The following TUT7 variants were observed in gnomAD, a reference collection of about 807,000 sequenced individuals.
TUT7 encodes terminal uridylyltransferase 7.
TUT7 carries 33 observed loss-of-function variants against 165.9 expected under a neutral mutation model. The ratio of observed to expected loss-of-function variants is 0.20; its 90% confidence interval spans 0.15 to 0.27. The LOEUF is 0.27. TUT7 is among the 10% of genes least tolerant of loss of function. The pLI is 1.00. For missense variants in TUT7, 1,338 were observed against 1,762.3 expected (o/e 0.76, Z 4.31); for synonymous variants, 552 against 608.1 (o/e 0.91, Z 1.36).
At chr9:86,295,923 A>G (rs1049106818) in intron 26 of TUT7, among the ~76,000 whole-genome samples, 8 of 152,174 alleles carry the variant, frequency 5.3e-5, no homozygotes, top group African/African-American at 1.9e-4. Context: ...ATAGAAAAAA[A>G]CATTAGTTTT....
chr9:86,347,760 T>C (rs1206795174), intron 2 of TUT7, among the ~76,000 whole-genome samples: 2 of 152,082 alleles, frequency 1.3e-5, no homozygotes, highest in African/African-American at 4.8e-5. Flanking sequence ...AAAAGGTAAG[T>C]TGTCATTTCA....
At position 86,323,319 on chromosome 9, in the gene TUT7, C is replaced by A. The variant is rs751992086; in HGVS notation, c.2431G>T (p.Asp811Tyr). 5.6e-6 allele frequency: 9 copies of A among 1,614,150 alleles called. No homozygotes were observed. The East Asian group carries it at 2.0e-4, about 36-fold the overall frequency. Residue 811 changes from aspartate to tyrosine, a missense_variant, in exon 13 of 27, where the codon GAT (aspartate) becomes TAT (tyrosine). This residue lies in a region of TUT7 where 425 missense variants were observed against 474.9 expected (regional missense o/e 0.89). Transcript: ENST00000375963. ...CCTTCTGTACTTTCTCCATCAAGAT[C>A]AGCCTTGTTATCTAAAGTGGCAAGT... ...EGLATLDNKA[D>Y]LDGESTEGTE...
chr9:86,333,757 C>T (rs1387586844), intron 10 of TUT7, among the ~76,000 whole-genome samples: 1 of 152,148 alleles, frequency 6.6e-6, no homozygotes, highest in Non-Finnish European at 1.5e-5. Flanking sequence ...TGCTTTTTGC[C>T]TTTCAGCATG....
At position 86,325,503 on chromosome 9, in the gene TUT7, T is replaced by C. The variant is rs1287499801; in HGVS notation, c.1620A>G (p.Ile540Met). ...TPIKRGQVSL[I>M]LDVKHQPSVP... The stretch of plus-strand genomic sequence containing the variant: ...CTGAAGGCTGGTGTTTCACATCCAA[T>C]ATTAATGACACCTATTAATAGCAAA... Residue 540 changes from isoleucine (I) to methionine (M), a missense_variant, in exon 12 of 27, where the codon ATA (isoleucine) becomes ATG (methionine). By Grantham distance (10) the Ile-to-Met change is conservative. Transcript: ENST00000375963. 7 of 1,613,330 alleles carry C rather than the reference T, an allele frequency of 4.3e-6. No individual in the cohort carries two copies. Among genetic ancestry groups the C allele is most frequent in the South Asian group, 1.1e-5 (1 of 91,024 alleles).
At chr9:86,301,976 AT>A in intron 25 of TUT7, 1 of 445,566 alleles carries the variant, frequency 2.2e-6, no homozygotes, top group Non-Finnish European at 3.0e-6. Flanking sequence ...GGCACTGGAA[AT>A]TTTAGATGTG....
chr9:86,316,190 AC>A (rs1564054779), intron 17 of TUT7, among the ~76,000 whole-genome samples: 1 of 152,388 alleles, frequency 6.6e-6, no homozygotes, highest in South Asian at 2.1e-4. Context: ...AGCTGCCATG[AC>A]AACAAAAGGA....
At position 86,340,015 on chromosome 9, in the gene TUT7, AAC is replaced by A. The variant is rs747201325; in HGVS notation, c.1208+19_1208+20del. 2.5e-6 allele frequency: 4 copies of A among 1,603,124 alleles called. No homozygotes were observed. In the African/African-American group the frequency reaches 5.4e-5, roughly 21 times the overall value. On this transcript the variant is annotated intron_variant, in intron 8 of 26. Coordinates refer to ENST00000375963, the MANE Select transcript of TUT7 (RefSeq NM_024617.4). ...TTGGCAAGTTGAGAGTTAGTAAATA[AAC>A]AGTTTAAAGAAATGAGACCTTTGCT... is the stretch of plus-strand genomic sequence containing the variant.
chr9:86,343,793 G>A (rs1463414394), intron 5 of TUT7, among the ~76,000 whole-genome samples: 1 of 152,172 alleles, frequency 6.6e-6, no homozygotes, highest in African/African-American at 2.4e-5. Context: ...CTCTTCAGAG[G>A]AAGATGTGTG....
intron 8 of TUT7, among the ~76,000 whole-genome samples, 191 bp from the exon 9 acceptor site, chr9:86,339,140 T>C (rs1831099233): frequency 6.6e-6 from 1 of 152,242 alleles, no homozygotes; most frequent in Non-Finnish European, 1.5e-5. Flanking sequence ...AAAGATATCG[T>C]GGCTATTTTC....
Position 86,328,296 on chromosome 9 carries a change from A to T in TUT7, c.1608+44T>A, listed in dbSNP as rs1829982924. ...AAGACTGACTAATCCACAACTTCAC[A>T]ATTGGCAAGTGAAACTGACAACTAG... On this transcript the variant is annotated intron_variant, in intron 11 of 26. Coordinates refer to ENST00000375963, the MANE Select transcript of TUT7 (RefSeq NM_024617.4). The T allele has an allele frequency of 2.0e-6, 3 of 1,510,204 alleles. No homozygotes were observed. The African/African-American group carries it at 4.3e-5, about 21-fold the overall frequency. 93.6% of individuals were successfully genotyped at this position (1,510,204 alleles called of 1,614,324 possible).
At position 86,344,947 on chromosome 9, in the gene TUT7, G is replaced by C. The variant is rs757726313; in HGVS notation, c.997+30C>G. 3.8e-6 allele frequency: 6 copies of C among 1,580,040 alleles called. No individual in the cohort carries two copies. In the Admixed American group the frequency reaches 5.4e-5, roughly 14 times the overall value. ...GAAATGAATGAGGTACTTTTAGGTA[G>C]TTAAATAGAAAAACAAATCTAGAAA... On this transcript the variant is annotated intron_variant, in intron 5 of 26. Coordinates refer to ENST00000375963, the MANE Select transcript of TUT7 (RefSeq NM_024617.4).
chr9:86,311,811 G>A lies in TUT7; in HGVS notation c.3275-1002C>T, dbSNP rs1290793977. 1.3e-5 allele frequency among the ~76,000 whole-genome samples: 2 copies of A among 152,164 alleles called. No homozygotes were observed. Among genetic ancestry groups the A allele is most frequent in the African/African-American group, 2.4e-5 (1 of 41,448 alleles). On this transcript the variant is annotated intron_variant, in intron 17 of 26. Transcript: ENST00000375963. The surrounding 1 kb of genome is among the most constrained non-coding windows in gnomAD (Gnocchi z 4.4). ...GTTTTCGTATTTTTTTGGTGGAGAC[G>A]GGGTTTCGCTGTGTTGGCCGGGCTG... is the stretch of plus-strand genomic sequence containing the variant.
intron 13 of TUT7, 30 bp from the exon 14 acceptor site, chr9:86,322,505 C>A: frequency 6.3e-7 from 1 of 1,582,330 alleles, no homozygotes; most frequent in Non-Finnish European, 8.6e-7. Flanking sequence ...CAAAACAAGA[C>A]TTAACACTTT....
chr9:86,330,203 G>A (rs1218994764), intron 10 of TUT7, among the ~76,000 whole-genome samples: 1 of 152,018 alleles, frequency 6.6e-6, no homozygotes, highest in Non-Finnish European at 1.5e-5. Flanking sequence ...GATTACAGGC[G>A]CCTGCCACCA....
At chr9:86,343,015 A>C in intron 6 of TUT7, 60 bp downstream of exon 6, 1 of 1,115,400 alleles carries the variant, frequency 9.0e-7, no homozygotes, top group Admixed American at 1.9e-5. Context: ...GACAGTTTAC[A>C]TTTGTAAGAA....
At chr9:86,300,823 A>G (rs1292323873) in intron 26 of TUT7, among the ~76,000 whole-genome samples, 1 of 152,186 alleles carries the variant, frequency 6.6e-6, no homozygotes, top group Non-Finnish European at 1.5e-5. Context: ...TATGCAGCCT[A>G]TTTCTTTCTG....
At chr9:86,328,222 G>A in intron 11 of TUT7, 118 bp downstream of exon 11, 1 of 1,027,608 alleles carries the variant, frequency 9.7e-7, no homozygotes, top group Non-Finnish European at 1.3e-6. Context: ...TAAACAGACT[G>A]GCAAATGAAA....
chr9:86,295,580 A>G (rs910807487), intron 26 of TUT7, among the ~76,000 whole-genome samples: 2 of 152,204 alleles, frequency 1.3e-5, no homozygotes, highest in African/African-American at 4.8e-5. Context: ...AAGGGTATCA[A>G]CAAGAATGAT....
At chr9:86,350,948 CAG>C (rs1564104470) in intron 2 of TUT7, among the ~76,000 whole-genome samples, 1 of 151,922 alleles carries the variant, frequency 6.6e-6, no homozygotes, top group Non-Finnish European at 1.5e-5. Flanking sequence ...GCCTGGCCAA[CAG>C]GGAGAAACCC....
Sources: gnomAD v4.1 joint callset for allele counts (sites outside exome capture counted in the v4.1 genomes callset) on GRCh38, gnomAD v4.1.1 for gene constraint, gnomAD v4.1.1 regional missense constraint, Gnocchi (gnomAD v3.1) non-coding constraint, MANE v1.5 for transcripts, NCBI Gene and HGNC (gene_info 2026-07-23, HGNC 2026-07-21) for gene names.